The following MCPH1 variants were observed in gnomAD, a reference collection of about 807,000 sequenced individuals.
MCPH1 encodes microcephalin.
A neutral mutation model predicts 84.5 loss-of-function variants in MCPH1; 104 were observed. That is an observed-to-expected ratio of 1.23 (90% CI 1.05 to 1.45). The LOEUF (loss-of-function observed/expected upper bound fraction) is 1.45. Ranked by LOEUF, MCPH1 falls within the 40% of genes most tolerant of loss-of-function variation. The pLI is 0.00. For missense variants in MCPH1, 1,498 were observed against 1,005.7 expected (o/e 1.49, Z -6.62); for synonymous variants, 514 against 366.8 (o/e 1.40, Z -4.58).
intron 3 of MCPH1, among the ~76,000 whole-genome samples, chr8:6,419,988 A>G (rs1422328143): frequency 6.6e-6 from 1 of 151,808 alleles, no homozygotes; most frequent in Non-Finnish European, 1.5e-5. Context: ...GCTTGTGGCC[A>G]GAGCGTCCTC....
At chr8:6,431,323 T>G (rs1443816526) in intron 3 of MCPH1, among the ~76,000 whole-genome samples, 176 bp from the exon 4 acceptor site, 2 of 152,226 alleles carry the variant, frequency 1.3e-5, no homozygotes, top group Non-Finnish European at 2.9e-5. Context: ...GAGATGATTT[T>G]GGGAAGTTTG....
rs1299299099 is a variant in MCPH1, at chr8:6,643,937, G to T, written c.*888G>T. The T allele has an allele frequency of 1.3e-5, 2 of 152,284 alleles. No homozygotes were observed. The highest frequency in any genetic ancestry group is 2.9e-5 in the Non-Finnish European group (2 of 68,138). 9.4% of individuals were successfully genotyped at this position (152,284 alleles called of 1,614,324 possible). On this transcript the variant is annotated 3_prime_UTR_variant, in exon 14 of 14. Transcript: ENST00000344683. Reference sequence around the variant, plus strand: ...TGCCGTCCTCGAGATGAAATTGGCAGTTGGGGCTGATTCACAGAAACACCG... The same window carrying T: ...TGCCGTCCTCGAGATGAAATTGGCATTTGGGGCTGATTCACAGAAACACCG...
intron 12 of MCPH1, among the ~76,000 whole-genome samples, chr8:6,512,312 C>T (rs962425463): frequency 5.9e-5 from 9 of 152,208 alleles, no homozygotes; most frequent in Non-Finnish European, 1.3e-4. Context: ...CAATCCTCCC[C>T]TGGGCAGCCT....
intron 10 of MCPH1, among the ~76,000 whole-genome samples, chr8:6,478,254 C>T (rs144642668): frequency 3.3e-4 from 50 of 152,256 alleles, no homozygotes; most frequent in African/African-American, 1.1e-3. Flanking sequence ...ACCTTTAGAA[C>T]ATTTTCAGTA....
chr8:6,638,949 T>G (rs865795865), intron 13 of MCPH1, among the ~76,000 whole-genome samples: 9 of 152,310 alleles, frequency 5.9e-5, no homozygotes, highest in Non-Finnish European at 7.3e-5. Context: ...CACAGCCCCA[T>G]GCGCACCTCA....
At chr8:6,481,703 G>T (rs1305382623) in intron 11 of MCPH1, among the ~76,000 whole-genome samples, 1 of 152,240 alleles carries the variant, frequency 6.6e-6, no homozygotes, top group Non-Finnish European at 1.5e-5. Context: ...AGAGGTTAAA[G>T]AGATTAGTGC....
chr8:6,412,587 C>T (rs761292406), intron 2 of MCPH1, among the ~76,000 whole-genome samples: 14 of 152,206 alleles, frequency 9.2e-5, no homozygotes, highest in South Asian at 2.1e-4. Flanking sequence ...AATCTAGATG[C>T]AGCTCTTTGG....
intron 12 of MCPH1, chr8:6,617,280 T>TTG (rs1447974740): frequency 1.3e-5 from 2 of 149,358 alleles, no homozygotes; most frequent in East Asian, 3.9e-4. Context: ...TTTTTTTGTT[T>TTG]TTTTTTTTGT....
chr8:6,614,699 T>C lies in MCPH1; in HGVS notation c.2215-6755T>C, dbSNP rs1397740359. ...TTATTGAAGCTGGGGGCAAAAAAGA[T>C]GGATTATTCATTGGAAACCTCAAAA... is the stretch of plus-strand genomic sequence containing the variant. On this transcript the variant is annotated intron_variant, in intron 12 of 13. Coordinates refer to ENST00000344683, the MANE Select transcript of MCPH1 (RefSeq NM_024596.5). Among the ~76,000 whole-genome samples the C allele has an allele frequency of 3.3e-5, 5 of 152,218 alleles. No individual in the cohort carries two copies. The East Asian group carries it at 7.7e-4, about 23-fold the overall frequency.
At chr8:6,511,545 C>G (rs1173694627) in intron 12 of MCPH1, among the ~76,000 whole-genome samples, 3 of 151,914 alleles carry the variant, frequency 2.0e-5, no homozygotes, top group African/African-American at 4.8e-5. Context: ...GGGAACATTT[C>G]TTCTGGGAAA....
At chr8:6,584,044 C>T (rs1157584980) in intron 12 of MCPH1, among the ~76,000 whole-genome samples, 2 of 152,098 alleles carry the variant, frequency 1.3e-5, no homozygotes, top group African/African-American at 2.4e-5. Context: ...CAACATTTGC[C>T]ATCTACAGCA....
chr8:6,470,212 C>T (rs938034182), intron 9 of MCPH1, among the ~76,000 whole-genome samples: 1 of 152,108 alleles, frequency 6.6e-6, no homozygotes, highest in Non-Finnish European at 1.5e-5. Flanking sequence ...TTTCAGCTTC[C>T]TGGAGCTGTC....
intron 12 of MCPH1, among the ~76,000 whole-genome samples, chr8:6,536,418 A>G (rs1321905873): frequency 1.3e-5 from 2 of 152,016 alleles, no homozygotes; most frequent in Non-Finnish European, 2.9e-5. Flanking sequence ...AGCCAAAGTG[A>G]TATATCTCAA....
At chr8:6,586,474 G>T in intron 12 of MCPH1, among the ~76,000 whole-genome samples, 1 of 152,220 alleles carries the variant, frequency 6.6e-6, no homozygotes, top group East Asian at 1.9e-4. Flanking sequence ...TGCTGATGCA[G>T]CCTCTGTACA....
chr8:6,623,709 A>AG, intron 13 of MCPH1, among the ~76,000 whole-genome samples: 1 of 6,138 alleles, frequency 1.6e-4, no homozygotes, highest in South Asian at 3.6e-3. Context: ...AAAAAAAAAA[A>AG]AAAAAAAAAC....
intron 9 of MCPH1, among the ~76,000 whole-genome samples, chr8:6,463,312 A>G (rs778717727): frequency 6.6e-6 from 1 of 152,200 alleles, no homozygotes; most frequent in Non-Finnish European, 1.5e-5. Context: ...CATCTCCAGT[A>G]TCATTAGAAC....
intron 11 of MCPH1, among the ~76,000 whole-genome samples, chr8:6,481,280 A>G (rs1809207432): frequency 1.3e-5 from 2 of 152,218 alleles, no homozygotes; most frequent in Admixed American, 1.3e-4. Flanking sequence ...GTTTGTACAG[A>G]TGGATTTACT....
chr8:6,639,945 C>T (rs977752389), intron 13 of MCPH1, among the ~76,000 whole-genome samples: 2 of 152,018 alleles, frequency 1.3e-5, no homozygotes, highest in African/African-American at 4.8e-5. Flanking sequence ...CACTATGTTG[C>T]CCAGGCTGGC....
At chr8:6,632,347 T>C (rs566367174) in intron 13 of MCPH1, among the ~76,000 whole-genome samples, 3 of 152,206 alleles carry the variant, frequency 2.0e-5, no homozygotes, top group African/African-American at 7.2e-5. Flanking sequence ...TTTTATGTTA[T>C]GTCTATCAAA....
Sources: gnomAD v4.1 joint callset for allele counts (sites outside exome capture counted in the v4.1 genomes callset) on GRCh38, gnomAD v4.1.1 for gene constraint, MANE v1.5 for transcripts, NCBI Gene and HGNC (gene_info 2026-07-23, HGNC 2026-07-21) for gene names.